GRID2: variants seen among roughly 807,000 people sequenced by gnomAD.
GRID2 encodes glutamate receptor ionotropic, delta-2.
GRID2 carries 33 observed loss-of-function variants against 114.8 expected under a neutral mutation model. The ratio of observed to expected loss-of-function variants is 0.29; its 90% CI spans 0.22 to 0.38. The LOEUF is 0.38. Ranked by LOEUF, GRID2 falls within the 10% of genes least tolerant of loss-of-function variation. The pLI is 1.00. For missense variants in GRID2, 1,184 were observed against 1,257.7 expected, an observed-to-expected ratio of 0.94 and a Z score of 0.89; for synonymous variants, 505 against 449.9, an observed-to-expected ratio of 1.12 and a Z score of -1.55.
At chr4:93,111,467 A>AT (rs1732755526) in intron 4 of GRID2, among the ~76,000 whole-genome samples, 1 of 152,192 alleles carries the variant, frequency 6.6e-6, no homozygotes, top group Admixed American at 6.6e-5. Context: ...ACTAGTGTAC[A>AT]TTTTATGATG....
intron 6 of GRID2, among the ~76,000 whole-genome samples, chr4:93,219,618 A>G (rs1744645039): frequency 6.6e-6 from 1 of 152,214 alleles, no homozygotes; most frequent in African/African-American, 2.4e-5. Flanking sequence ...AATGCATTTC[A>G]CAAATTTTTT....
At chr4:93,569,386 T>A (rs1735727376) in intron 13 of GRID2, among the ~76,000 whole-genome samples, 2 of 152,074 alleles carry the variant, frequency 1.3e-5, no homozygotes, top group South Asian at 4.1e-4. Flanking sequence ...AACTCACGCA[T>A]CCTTTTGGTT....
At chr4:93,032,839 C>G (rs1427580381) in intron 2 of GRID2, among the ~76,000 whole-genome samples, 1 of 152,164 alleles carries the variant, frequency 6.6e-6, no homozygotes, top group African/African-American at 2.4e-5. Flanking sequence ...AGTAGCCTAA[C>G]ACCCATGGGA....
At chr4:93,194,793 A>T (rs1374564891) in intron 4 of GRID2, among the ~76,000 whole-genome samples, 1 of 152,196 alleles carries the variant, frequency 6.6e-6, no homozygotes, top group Non-Finnish European at 1.5e-5. Context: ...TATTGCATCA[A>T]CTGAGAACTC....
At chr4:92,766,849 T>G (rs560748384) in intron 2 of GRID2, among the ~76,000 whole-genome samples, 8 of 152,180 alleles carry the variant, frequency 5.3e-5, no homozygotes, top group Non-Finnish European at 1.0e-4. Context: ...CACAGATTGA[T>G]TTTAGATGTA....
At chr4:92,395,104 T>C (rs1197273999) in intron 1 of GRID2, among the ~76,000 whole-genome samples, 2 of 151,686 alleles carry the variant, frequency 1.3e-5, no homozygotes, top group Non-Finnish European at 3.0e-5. Flanking sequence ...AAATATTTTC[T>C]TTAAAATATT....
At chr4:93,288,792 T>C (rs953926479) in intron 8 of GRID2, among the ~76,000 whole-genome samples, 1 of 152,222 alleles carries the variant, frequency 6.6e-6, no homozygotes, top group Non-Finnish European at 1.5e-5. Flanking sequence ...ATTTGTTTCC[T>C]GAATTCCCTC....
At position 93,164,750 on chromosome 4, in the gene GRID2, A is replaced by G. The variant is rs1314540416; in HGVS notation, c.736-42654A>G. ...ATTTTTCAGATGTCGTTTTAGAAAA[A>G]CACTTAGGGAGGAAAGAATGTGAGT... On this transcript the variant is annotated intron_variant, in intron 4 of 15. Transcript: ENST00000282020. 1.4e-5 allele frequency: 6 copies of G among 432,720 alleles called. No homozygotes were observed. In the East Asian group the frequency reaches 4.2e-4, roughly 30 times the overall value. 26.8% of individuals were successfully genotyped at this position (432,720 alleles called of 1,614,324 possible). A position where few individuals can be genotyped will look rare whatever the true frequency, so the allele number is the denominator to read the frequency against.
At chr4:92,755,190 G>C (rs927968524) in intron 2 of GRID2, among the ~76,000 whole-genome samples, 1 of 152,124 alleles carries the variant, frequency 6.6e-6, no homozygotes, top group Non-Finnish European at 1.5e-5. Context: ...AACTCCAGTA[G>C]ACATAATATG....
chr4:93,219,061 A>C (rs538442999), intron 6 of GRID2, among the ~76,000 whole-genome samples: 33 of 152,312 alleles, frequency 2.2e-4, no homozygotes, highest in Admixed American at 1.4e-3. Flanking sequence ...GGACACAGCC[A>C]AACCATATCA....
At chr4:93,783,126 G>A (rs996517333) in intron 1 of GRID2, among the ~76,000 whole-genome samples, 5 of 152,234 alleles carry the variant, frequency 3.3e-5, no homozygotes, top group Middle Eastern at 3.2e-3. Context: ...GAACAAGCAA[G>A]TCGCTAATTT....
chr4:92,676,233 T>C (rs1413599149), intron 2 of GRID2, among the ~76,000 whole-genome samples: 1 of 45,700 alleles, frequency 2.2e-5, no homozygotes, highest in Non-Finnish European at 3.9e-5. Context: ...CAGGCTGGAG[T>C]GCAGTGGCGC....
chr4:92,411,655 G>GTGTGTGTGTGTGTGTGTATATA, intron 1 of GRID2, among the ~76,000 whole-genome samples: 1 of 84,692 alleles, frequency 1.2e-5, no homozygotes, highest in Middle Eastern at 6.6e-3. Context: ...GTGTGTGTGT[G>GTGTGTGTGTGTGTGTGTATATA]TATATATATA....
chr4:92,346,564 A>C (rs1297375961), intron 1 of GRID2, among the ~76,000 whole-genome samples: 1 of 151,936 alleles, frequency 6.6e-6, no homozygotes, highest in Non-Finnish European at 1.5e-5. Context: ...ATGGAGCCTC[A>C]CTGTGTTGCC....
chr4:92,633,434 G>T (rs1419935723), intron 2 of GRID2, among the ~76,000 whole-genome samples: 2 of 152,160 alleles, frequency 1.3e-5, no homozygotes, highest in Non-Finnish European at 2.9e-5. Flanking sequence ...AGATGGAGAG[G>T]TTGGAAGGGA....
chr4:92,899,676 A>C (rs958086018), intron 2 of GRID2, among the ~76,000 whole-genome samples: 1 of 152,244 alleles, frequency 6.6e-6, no homozygotes, highest in Non-Finnish European at 1.5e-5. Context: ...AAGCAAAAAC[A>C]ATGTTGAATG....
At chr4:93,266,398 G>A (rs1450738564) in intron 8 of GRID2, among the ~76,000 whole-genome samples, 1 of 151,986 alleles carries the variant, frequency 6.6e-6, no homozygotes, top group Admixed American at 6.6e-5. Flanking sequence ...CACCTGTGTT[G>A]TTTTATATAT....
At chr4:93,172,954 GTTTC>G (rs1050895841) in intron 4 of GRID2, among the ~76,000 whole-genome samples, 16 of 151,118 alleles carry the variant, frequency 1.1e-4, no homozygotes, top group African/African-American at 3.9e-4. Context: ...GCTCTGCCAA[GTTTC>G]TTTCTCTTAG....
At chr4:93,339,011 G>A (rs1366419699) in intron 8 of GRID2, among the ~76,000 whole-genome samples, 1 of 152,146 alleles carries the variant, frequency 6.6e-6, no homozygotes, top group Non-Finnish European at 1.5e-5. Context: ...CTACCAAGTT[G>A]TGAGAACACC....
Sources: allele counts gnomAD v4.1 joint callset (sites outside exome capture counted in the v4.1 genomes callset), GRCh38; gene constraint gnomAD v4.1.1; transcripts MANE v1.5; gene names NCBI Gene and HGNC (gene_info 2026-07-23, HGNC 2026-07-21).